PDE4D: variants seen among roughly 807,000 people sequenced by gnomAD.
PDE4D encodes the protein phosphodiesterase 4D.
A neutral mutation model predicts 87.4 loss-of-function variants in PDE4D; 24 were observed. The observed-to-expected ratio is 0.27, with a 90% confidence interval of 0.20 to 0.39. PDE4D has a LOEUF of 0.39. Among genes scored for constraint, PDE4D ranks in the 10% least tolerant of loss-of-function variants. PDE4D has a pLI of 1.00. For synonymous variants in PDE4D, 384 were observed against 383.2 expected (o/e 1.00, Z -0.02); for missense variants, 714 against 1,041.0 (o/e 0.69, Z 4.32).
At chr5:60,480,354 C>T (rs1044787343) in intron 1 of PDE4D, among the ~76,000 whole-genome samples, 2 of 151,862 alleles carry the variant, frequency 1.3e-5, no homozygotes, top group African/African-American at 4.8e-5. Context: ...ATGCATCATT[C>T]GAAGCAATTT....
chr5:59,753,971 C>G (rs141979739), intron 1 of PDE4D, among the ~76,000 whole-genome samples: 11 of 152,220 alleles, frequency 7.2e-5, no homozygotes, highest in African/African-American at 2.6e-4. Context: ...TTTTTTACTT[C>G]AACGCATATC....
chr5:59,811,100 G>A (rs1476089405), intron 1 of PDE4D, among the ~76,000 whole-genome samples: 1 of 152,312 alleles, frequency 6.6e-6, no homozygotes, highest in East Asian at 1.9e-4. Flanking sequence ...GCAGAGAGAA[G>A]GAAAGTGATA....
chr5:59,290,521 A>G (rs1767815745), intron 1 of PDE4D, among the ~76,000 whole-genome samples: 2 of 152,070 alleles, frequency 1.3e-5, no homozygotes, highest in Admixed American at 6.6e-5. Flanking sequence ...CTGGGTAACA[A>G]TTTCTTAAGT....
intron 1 of PDE4D, among the ~76,000 whole-genome samples, chr5:59,891,742 T>C (rs1016068848): frequency 3.3e-5 from 5 of 152,090 alleles, no homozygotes; most frequent in African/African-American, 4.8e-5. Context: ...TATGATAGTT[T>C]GGCTGGATTC....
At position 59,332,378 on chromosome 5, in the gene PDE4D, A is replaced by G. The variant is rs1776889070; in HGVS notation, c.456-116410T>C. Among the ~76,000 whole-genome samples, 3 of 152,290 alleles carry G rather than the reference A, an allele frequency of 2.0e-5. No individual in the cohort carries two copies. In the South Asian group the frequency reaches 6.2e-4, roughly 32 times the overall value. ...TATTTTTATCCACATTATGAGATGG[A>G]AAGCCCTGGGGTCCATTATGAGTGA... On this transcript the variant is annotated intron_variant, in intron 1 of 14. Coordinates refer to ENST00000340635, the MANE Select transcript of PDE4D (RefSeq NM_001104631.2).
At chr5:59,660,609 C>G (rs1411341836) in intron 1 of PDE4D, among the ~76,000 whole-genome samples, 1 of 152,080 alleles carries the variant, frequency 6.6e-6, no homozygotes, top group Non-Finnish European at 1.5e-5. Flanking sequence ...TCATATAAGG[C>G]TTTGTTTTCA....
At chr5:60,042,134 C>CT (rs1768590574) in intron 2 of PDE4D, among the ~76,000 whole-genome samples, 1 of 152,066 alleles carries the variant, frequency 6.6e-6, no homozygotes, top group Non-Finnish European at 1.5e-5. Context: ...GGGGTGTCTG[C>CT]TATTACTGAG....
chr5:59,943,546 A>C (rs1216795039), intron 3 of PDE4D, among the ~76,000 whole-genome samples: 2 of 152,210 alleles, frequency 1.3e-5, no homozygotes, highest in Non-Finnish European at 2.9e-5. Context: ...TTCAATCCTC[A>C]GTACCATTTG....
At chr5:59,460,247 T>C (rs1448023133) in intron 1 of PDE4D, among the ~76,000 whole-genome samples, 2 of 152,226 alleles carry the variant, frequency 1.3e-5, no homozygotes, top group African/African-American at 4.8e-5. Context: ...ATTAAAACTT[T>C]ACTGTGAAAG....
intron 3 of PDE4D, among the ~76,000 whole-genome samples, chr5:59,903,160 T>C (rs895148653): frequency 6.6e-6 from 1 of 152,126 alleles, no homozygotes; most frequent in South Asian, 2.1e-4. Flanking sequence ...GAGAATGCAA[T>C]TTTATTTCTC....
intron 1 of PDE4D, among the ~76,000 whole-genome samples, chr5:59,727,946 T>G (rs1185991794): frequency 6.6e-6 from 1 of 152,116 alleles, no homozygotes; most frequent in Non-Finnish European, 1.5e-5. Flanking sequence ...TTCATTGAAA[T>G]AGGATCTTTG....
intron 5 of PDE4D, among the ~76,000 whole-genome samples, chr5:59,149,187 G>C (rs72764077): frequency 0.12 from 18,683 of 152,158 alleles, 1,338 homozygotes; most frequent in Non-Finnish European, 0.16. Flanking sequence ...GGAAGAACCA[G>C]GTGGTTAAGG....
chr5:59,453,735 T>G lies in PDE4D; in HGVS notation c.456-237767A>C, dbSNP rs949191191. Among the ~76,000 whole-genome samples the G allele has an allele frequency of 3.9e-5, 6 of 152,176 alleles. No individual in the cohort carries two copies. In the South Asian group the frequency reaches 1.2e-3, roughly 32 times the overall value. ...ACTGTCTCATGAGGTTTAAGGAAAA[T>G]GCCATCTCCACAACACAAAAATGCA... On this transcript the variant is annotated intron_variant, in intron 1 of 14. Coordinates refer to ENST00000340635, the MANE Select transcript of PDE4D (RefSeq NM_001104631.2).
chr5:60,219,162 G>C (rs1289830937), intron 1 of PDE4D, among the ~76,000 whole-genome samples: 1 of 152,078 alleles, frequency 6.6e-6, no homozygotes, highest in East Asian at 1.9e-4. Context: ...TCTTTCCAAA[G>C]CTCCTGCATG....
At chr5:60,135,758 T>C (rs1402942224) in intron 2 of PDE4D, among the ~76,000 whole-genome samples, 3 of 152,112 alleles carry the variant, frequency 2.0e-5, no homozygotes, top group Non-Finnish European at 4.4e-5. Context: ...GAGGAGTGCA[T>C]ATCCTTTCAG....
chr5:60,408,040 T>C (rs1741715297), intron 1 of PDE4D, among the ~76,000 whole-genome samples: 1 of 152,080 alleles, frequency 6.6e-6, no homozygotes, highest in Admixed American at 6.5e-5. Flanking sequence ...TCTGACAACA[T>C]GCAACCACCA....
At chr5:59,396,740 T>C (rs1789501304) in intron 1 of PDE4D, among the ~76,000 whole-genome samples, 1 of 117,388 alleles carries the variant, frequency 8.5e-6, no homozygotes. Flanking sequence ...CACTATTAAC[T>C]TTAAATGTAA....
At chr5:59,062,121 C>G (rs1327220248) in intron 5 of PDE4D, among the ~76,000 whole-genome samples, 1 of 152,066 alleles carries the variant, frequency 6.6e-6, no homozygotes, top group African/African-American at 2.4e-5. Flanking sequence ...ATCGGCTGAT[C>G]AGAAGAAGAA....
chr5:59,276,209 G>A (rs1024521040), intron 1 of PDE4D: 8 of 869,704 alleles, frequency 9.2e-6, no homozygotes, highest in African/African-American at 1.8e-5. Context: ...GGGCGGATCA[G>A]CTCCAGAGAC....
Sources: allele counts gnomAD v4.1 joint callset (sites outside exome capture counted in the v4.1 genomes callset), GRCh38; gene constraint gnomAD v4.1.1; transcripts MANE v1.5; gene names NCBI Gene and HGNC (gene_info 2026-07-23, HGNC 2026-07-21).